The following KMT2B variants were observed in gnomAD, a reference collection of about 807,000 sequenced individuals.
KMT2B encodes the protein histone-lysine N-methyltransferase 2B.
Under a neutral mutation model 255.3 loss-of-function variants are expected in KMT2B, and 22 were observed. The observed-to-expected ratio is 0.09, with a 90% CI of 0.06 to 0.12. The LOEUF is 0.12. Among genes scored for constraint, KMT2B ranks in the 10% least tolerant of loss-of-function variants. KMT2B has a pLI of 1.00. For synonymous variants in KMT2B, 1,730 were observed against 1,498.1 expected (o/e 1.15, Z -3.57); for missense variants, 3,149 against 3,737.0 (o/e 0.84, Z 4.10).
intron 8 of KMT2B, 102 bp from the exon 9 acceptor site, chr19:35,724,535 G>A (rs1470159594): frequency 1.0e-6 from 1 of 959,242 alleles, no homozygotes; most frequent in African/African-American, 1.6e-5. Context: ...GCGGGTCTTG[G>A]TTAGTTAAAG....
Position 35,722,489 on chromosome 19 carries a change from G to A in KMT2B, c.2571+17G>A. ...CGGCCCTCAGTATGCATCGGGAGGA[G>A]GGCCCTGAAGAAGACTGGCGGGAGG... On this transcript the variant is annotated intron_variant, in intron 4 of 36. Coordinates refer to ENST00000420124, the MANE Select transcript of KMT2B (RefSeq NM_014727.3). 6.2e-7 allele frequency: 1 copy of A among 1,605,216 alleles called. No homozygotes were observed. The highest frequency in any genetic ancestry group is 8.5e-7 in the Non-Finnish European group (1 of 1,179,066).
chr19:35,729,763 C>G (rs1045247588), intron 22 of KMT2B, among the ~76,000 whole-genome samples: 8 of 152,238 alleles, frequency 5.3e-5, no homozygotes, highest in Admixed American at 3.3e-4. Context: ...CTAATGCTAT[C>G]AGCAAGTATT....
intron 9 of KMT2B, 113 bp downstream of exon 9, chr19:35,724,844 G>A (rs1271729615): frequency 2.6e-6 from 3 of 1,146,304 alleles, no homozygotes; most frequent in East Asian, 2.6e-5. Context: ...AGGCCCTGAG[G>A]GATGAGGCGG....
rs1371551507 is a variant in KMT2B at position 35,721,629 on chromosome 19, A to T, written c.2282A>T (p.Gln761Leu). 6.2e-7 allele frequency: 1 copy of T among 1,612,860 alleles called. No individual in the cohort carries two copies. The highest frequency in any genetic ancestry group is 8.5e-7 in the Non-Finnish European group (1 of 1,179,732). The change falls in exon 3 of 37, where the codon CAG becomes CTG. Residue 761 changes from glutamine to leucine, a missense_variant. Physicochemically the swap from Gln to Leu is moderately radical, Grantham distance 113. Coordinates refer to ENST00000420124, the MANE Select transcript of KMT2B (RefSeq NM_014727.3). Reference protein sequence around the residue: ...QALPPPQPQLQPPPSPQQMPP... With the variant: ...QALPPPQPQLLPPPSPQQMPP... ...CTACCGCCACCACAGCCACAGCTGCAGCCACCGCCGTCACCACAGCAGATG... is the reference window on the plus strand; with the variant it reads ...CTACCGCCACCACAGCCACAGCTGCTGCCACCGCCGTCACCACAGCAGATG...
rs767146683 is a variant in KMT2B, at chr19:35,730,581, G to A, written c.5241G>A (p.Ser1747=). 18 of 1,613,848 alleles carry A rather than the reference G, an allele frequency of 1.1e-5. No individual in the cohort carries two copies. Among genetic ancestry groups the A allele is most frequent in the South Asian group, 7.7e-5 (7 of 91,090 alleles). The part of the protein sequence containing the change: ...IDSLGTLSDL[S]DCEGRLFPIG... ...CCCTGGGTACTCTGTCTGATCTCTC[G>A]GACTGCGAGGGACGGCTCTTCCCCA... Residue 1747 remains serine, a synonymous_variant, in exon 25 of 37, where the codon TCG becomes TCA. Transcript: ENST00000420124.
intron 9 of KMT2B, 87 bp downstream of exon 9, chr19:35,724,818 G>A: frequency 7.8e-7 from 1 of 1,284,474 alleles, no homozygotes; most frequent in Non-Finnish European, 1.1e-6. Flanking sequence ...GTCGTGGTGT[G>A]TCCACATGAG....
Position 35,723,664 on chromosome 19 carries a change from TG to T in KMT2B, c.3059-66del. On this transcript the variant is annotated intron_variant, in intron 7 of 36. Coordinates refer to ENST00000420124, the MANE Select transcript of KMT2B (RefSeq NM_014727.3). The surrounding 1 kb of genome is among the most constrained non-coding windows in gnomAD (Gnocchi z 7.5). ...GTTCATTCCCTGCCCCGCTTCTTTCTGGCTTCTCTCCCAGTGTCCCATGTCC... is the reference window on the plus strand; with the variant it reads ...GTTCATTCCCTGCCCCGCTTCTTTCTGCTTCTCTCCCAGTGTCCCATGTCC... The T allele has an allele frequency of 7.1e-7, 1 of 1,411,728 alleles. No homozygotes were observed. The highest frequency in any genetic ancestry group is 9.6e-7 in the Non-Finnish European group (1 of 1,045,296). 87.5% of individuals were successfully genotyped at this position (1,411,728 alleles called of 1,614,324 possible).
chr19:35,719,463 A>T lies in KMT2B; in HGVS notation c.364-6A>T. 1 of 1,577,152 alleles carries T rather than the reference A, an allele frequency of 6.3e-7. No individual in the cohort carries two copies. On this transcript the variant is annotated splice_polypyrimidine_tract_variant and splice_region_variant and intron_variant, in intron 1 of 36. Coordinates refer to ENST00000420124, the MANE Select transcript of KMT2B (RefSeq NM_014727.3). Reference sequence around the variant, plus strand: ...TTCTCCCCTCCACCCCGGTCCCCTAAATCAGGAGTTTCAGGGTTTTCATTC... The same window carrying T: ...TTCTCCCCTCCACCCCGGTCCCCTATATCAGGAGTTTCAGGGTTTTCATTC...
At position 35,732,850 on chromosome 19, in the gene KMT2B, G is replaced by C. The variant is rs780362707; in HGVS notation, c.6301G>C (p.Asp2101His). Residue 2101 changes from aspartate to histidine, a missense_variant, in exon 28 of 37, where the codon GAC becomes CAC. Coordinates refer to ENST00000420124, the MANE Select transcript of KMT2B (RefSeq NM_014727.3). The stretch of plus-strand genomic sequence containing the variant: ...GGCAGGGGTCCTTGGGGCTGCAGGG[G>C]ACAGGGCCCGGCCTCCTGAGGACCT... The part of the protein sequence containing the change: ...VRAGVLGAAG[D>H]RARPPEDLPS... 6.2e-7 allele frequency: 1 copy of C among 1,609,230 alleles called. No homozygotes were observed. The highest frequency in any genetic ancestry group is 8.5e-7 in the Non-Finnish European group (1 of 1,178,396).
At position 35,725,956 on chromosome 19, in the gene KMT2B, C is replaced by T; in HGVS notation, c.3885+138C>T. On this transcript the variant is annotated intron_variant, in intron 13 of 36. Coordinates refer to ENST00000420124, the MANE Select transcript of KMT2B (RefSeq NM_014727.3). This position sits in a 1 kb window ranked among gnomAD's most constrained non-coding sequence, Gnocchi z 4.1. ...GAATTGATTAGTAATGTTTCCTCTTCAAAAATTTCACATAGGTCAGATTTA... is the reference window on the plus strand; with the variant it reads ...GAATTGATTAGTAATGTTTCCTCTTTAAAAATTTCACATAGGTCAGATTTA... The T allele has an allele frequency of 1.3e-6, 1 of 758,674 alleles. No individual in the cohort carries two copies. Among genetic ancestry groups the T allele is most frequent in the Non-Finnish European group, 2.2e-6 (1 of 456,412 alleles). The allele number at this position is 758,674 out of a possible 1,614,324, so 47.0% of individuals were successfully genotyped here. A position where few individuals can be genotyped will look rare whatever the true frequency, so the allele number is the denominator to read the frequency against.
In KMT2B at chr19:35,721,803, C is replaced by A; in HGVS notation, c.2456C>A (p.Pro819Gln). Residue 819 changes from proline (P) to glutamine (Q), a missense_variant and splice_region_variant, in exon 3 of 37, where the codon CCG becomes CAG. By Grantham distance (76) the Pro-to-Gln change is moderately conservative. This residue lies in a region of KMT2B where 1,188 missense variants were observed against 1,106.4 expected (regional missense o/e 1.07). Transcript: ENST00000420124. ...QQQQKVAASM[P>Q]LSPGGQMEEV... ...CAGCAGAAGGTGGCAGCTTCCATGC[C>A]GGTGAGTGTGGTCCCTGGGCCCAGC... The A allele has an allele frequency of 6.3e-7, 1 of 1,580,432 alleles. No individual in the cohort carries two copies. Among genetic ancestry groups the A allele is most frequent in the Non-Finnish European group, 8.6e-7 (1 of 1,162,286 alleles).
At position 35,727,941 on chromosome 19, in the gene KMT2B, C is replaced by G; in HGVS notation, c.4453C>G (p.Pro1485Ala). 6.3e-7 allele frequency: 1 copy of G among 1,591,002 alleles called. No homozygotes were observed. The highest frequency in any genetic ancestry group is 1.3e-5 in the African/African-American group (1 of 74,750). ...LMRHSEEGET[P>A]DRRAGGQMKG... ...GCGGCACTCGGAGGAGGGAGAGACCCCGGACCGCCGGGCTGGAGGCCAGAT... is the reference window on the plus strand; with the variant it reads ...GCGGCACTCGGAGGAGGGAGAGACCGCGGACCGCCGGGCTGGAGGCCAGAT... Residue 1485 changes from proline to alanine, a missense_variant, in exon 18 of 37, where the codon CCG (proline) becomes GCG (alanine). This residue lies in a region of KMT2B where 377 missense variants were observed against 471.0 expected (regional missense o/e 0.80). Transcript: ENST00000420124. The surrounding 1 kb of genome is among the most constrained non-coding windows in gnomAD (Gnocchi z 4.2).
chr19:35,719,550 CG>C lies in KMT2B; in HGVS notation c.436+14del, dbSNP rs1568366838. The C allele has an allele frequency of 1.9e-6, 3 of 1,582,626 alleles. No homozygotes were observed. The highest frequency in any genetic ancestry group is 1.8e-5 in the Admixed American group (1 of 55,214). On this transcript the variant is annotated intron_variant, in intron 2 of 36. Transcript: ENST00000420124. Reference sequence around the variant, plus strand: ...GCTCCGATCCCAGCGAGGTGAGTGACGGGGGAACTCCACCTCTTTAGCGTCA... The same window carrying C: ...GCTCCGATCCCAGCGAGGTGAGTGACGGGGAACTCCACCTCTTTAGCGTCA...
In KMT2B at chr19:35,721,228, TC is replaced by T; in HGVS notation, c.1886del (p.Pro629ArgfsTer31). 6 of 194,250 alleles carry T rather than the reference TC, an allele frequency of 3.1e-5. No homozygotes were observed. The highest frequency in any genetic ancestry group is 3.7e-5 in the Non-Finnish European group (5 of 133,538). The allele number at this position is 194,250 out of a possible 1,614,324, so 12.0% of individuals were successfully genotyped here. The part of the protein sequence containing the change: ...LPPPPPAPPP[P>X]PAPSPPPAPA... ...CCCCTCCTCCCCCAGCCCCTCCACCTCCCCCGGCCCCCTCCCCACCCCCTGC... is the reference window on the plus strand; with the variant it reads ...CCCCTCCTCCCCCAGCCCCTCCACCTCCCCGGCCCCCTCCCCACCCCCTGC... On this transcript the variant is annotated frameshift_variant, in exon 3 of 37. Coordinates refer to ENST00000420124, the MANE Select transcript of KMT2B (RefSeq NM_014727.3). LOFTEE classifies it high-confidence loss of function.
At chr19:35,734,785 C>T (rs566306204) in intron 30 of KMT2B, among the ~76,000 whole-genome samples, 42 of 152,162 alleles carry the variant, frequency 2.8e-4, no homozygotes, top group African/African-American at 9.9e-4. Flanking sequence ...AGCTGGTGGT[C>T]GAGCAGCCTG....
chr19:35,736,839 G>T lies in KMT2B; in HGVS notation c.7297+12G>T. 1 of 1,613,986 alleles carries T rather than the reference G, an allele frequency of 6.2e-7. No individual in the cohort carries two copies. Among genetic ancestry groups the T allele is most frequent in the Non-Finnish European group, 8.5e-7 (1 of 1,179,878 alleles). On this transcript the variant is annotated intron_variant, in intron 31 of 36. Coordinates refer to ENST00000420124, the MANE Select transcript of KMT2B (RefSeq NM_014727.3). Reference sequence around the variant, plus strand: ...AGAGAGCTTGGAGGGTGAGTGGGGGGAGTGCAGTGGCAGGAGGGAGAGTGT... The same window carrying T: ...AGAGAGCTTGGAGGGTGAGTGGGGGTAGTGCAGTGGCAGGAGGGAGAGTGT...
Position 35,731,945 on chromosome 19 carries a change from T to C in KMT2B, c.5475T>C (p.Asp1825=), listed in dbSNP as rs562647901. The C allele has an allele frequency of 2.5e-6, 4 of 1,613,786 alleles. No homozygotes were observed. The highest frequency in any genetic ancestry group is 1.7e-4 in the Middle Eastern group (1 of 6,058). ...PGGEDPPLDT[D]VLVPGAPERH... is the part of the protein sequence containing the mutation. ...GTGAGGACCCCCCACTGGACACAGA[T>C]GTTCTTGTCCCTGGAGCTCCTGAGC... is the stretch of plus-strand genomic sequence containing the variant. The change falls in exon 27 of 37, where the codon GAT becomes GAC. Residue 1825 remains aspartate (D), a synonymous_variant. Transcript: ENST00000420124.
chr19:35,731,868 A>C, intron 26 of KMT2B, 40 bp from the exon 27 acceptor site: 1 of 1,468,128 alleles, frequency 6.8e-7, no homozygotes, highest in Non-Finnish European at 9.5e-7. Context: ...GCTTTGACAC[A>C]GAGCCCCTAC....
In KMT2B at chr19:35,719,928, C is replaced by G; in HGVS notation, c.581C>G (p.Thr194Ser). 1 of 1,613,454 alleles carries G rather than the reference C, an allele frequency of 6.2e-7. No individual in the cohort carries two copies. The highest frequency in any genetic ancestry group is 8.5e-7 in the Non-Finnish European group (1 of 1,179,868). Reference protein sequence around the residue: ...EGTERMVQALTELLRRAQAPQ... With the variant: ...EGTERMVQALSELLRRAQAPQ... ...ACAGAACGGATGGTGCAGGCACTGA[C>G]TGAACTTCTCCGGCGGGCCCAGGCA... Residue 194 changes from threonine to serine, a missense_variant, in exon 3 of 37, where the codon ACT (threonine) becomes AGT (serine). Physicochemically the swap from Thr to Ser is moderately conservative, Grantham distance 58. Around this residue, in one of 18 missense-constraint regions of KMT2B, gnomAD observed 1,188 missense variants for 1,106.4 expected, o/e 1.07. Transcript: ENST00000420124.
Sources: allele counts gnomAD v4.1 joint callset (sites outside exome capture counted in the v4.1 genomes callset), GRCh38; gene constraint gnomAD v4.1.1; regional missense constraint gnomAD v4.1.1; non-coding constraint Gnocchi (gnomAD v3.1); transcripts MANE v1.5; gene names NCBI Gene and HGNC (gene_info 2026-07-23, HGNC 2026-07-21).